SEMA6D: variants seen among roughly 807,000 people sequenced by gnomAD.
SEMA6D encodes semaphorin-6D.
A neutral mutation model predicts 106.6 loss-of-function variants in SEMA6D; 35 were observed. The observed-to-expected ratio is 0.33, with a 90% CI of 0.25 to 0.44. The LOEUF (loss-of-function observed/expected upper bound fraction) is 0.44. Ranked by LOEUF, SEMA6D falls within the 20% of genes least tolerant of loss-of-function variation. SEMA6D has a pLI of 1.00. For synonymous variants in SEMA6D, 499 were observed against 487.7 expected (o/e 1.02, Z -0.31); for missense variants, 1,185 against 1,345.9 (o/e 0.88, Z 1.87).
At chr15:47,739,443 C>A (rs183354858) in intron 1 of SEMA6D, among the ~76,000 whole-genome samples, 3 of 152,164 alleles carry the variant, frequency 2.0e-5, no homozygotes, top group East Asian at 3.9e-4. Context: ...CACCACCCCC[C>A]GCCCACACAA....
At position 47,429,416 on chromosome 15, in the gene SEMA6D, C is replaced by T. The variant is rs16959467; in HGVS notation, c.-159+16944C>T. On this transcript the variant is annotated intron_variant, in intron 2 of 19. Transcript: ENST00000558014. ...TATTACATATGGAAATGAGATGAAG[C>T]TCCAAGAGGTCATGAAGTAAGGAAT... is the stretch of plus-strand genomic sequence containing the variant. Among the ~76,000 whole-genome samples, 1,021 of 152,170 alleles carry T rather than the reference C, an allele frequency of 6.7e-3. 17 individuals are homozygous for T. The highest frequency in any genetic ancestry group is 0.023 in the African/African-American group (976 of 41,538).
chr15:47,334,688 T>C (rs1248552053), intron 1 of SEMA6D, among the ~76,000 whole-genome samples: 1 of 151,982 alleles, frequency 6.6e-6, no homozygotes, highest in East Asian at 1.9e-4. Context: ...CACAGAAACA[T>C]GTGGTTTGGA....
At chr15:47,755,656 G>A (rs1228555626) in intron 1 of SEMA6D, among the ~76,000 whole-genome samples, 1 of 151,788 alleles carries the variant, frequency 6.6e-6, no homozygotes, top group Non-Finnish European at 1.5e-5. Flanking sequence ...TCCTCTTCTA[G>A]AGTGTAGCTT....
At chr15:47,363,068 T>C (rs1316672660) in intron 1 of SEMA6D, among the ~76,000 whole-genome samples, 7 of 151,976 alleles carry the variant, frequency 4.6e-5, no homozygotes, top group African/African-American at 1.7e-4. Context: ...ATTTTAATAG[T>C]ATTCACTTAC....
intron 4 of SEMA6D, among the ~76,000 whole-genome samples, chr15:47,711,458 T>C (rs1320873236): frequency 1.3e-5 from 2 of 152,052 alleles, no homozygotes; most frequent in African/African-American, 4.8e-5. Flanking sequence ...ACAAACTAAG[T>C]TTCTCTTGAG....
chr15:47,542,886 G>A (rs1443568434), intron 3 of SEMA6D, among the ~76,000 whole-genome samples: 1 of 152,106 alleles, frequency 6.6e-6, no homozygotes, highest in Non-Finnish European at 1.5e-5. Flanking sequence ...TCCTAGCAAT[G>A]ACTGTGCATC....
chr15:47,608,938 A>T (rs1206447785), intron 4 of SEMA6D, among the ~76,000 whole-genome samples: 1 of 152,216 alleles, frequency 6.6e-6, no homozygotes, highest in Admixed American at 6.5e-5. Context: ...TTATTACGGA[A>T]CACTCTGCTT....
At chr15:47,660,195 TAA>T (rs35019889) in intron 4 of SEMA6D, among the ~76,000 whole-genome samples, 21 of 146,886 alleles carry the variant, frequency 1.4e-4, no homozygotes, top group Middle Eastern at 3.4e-3. Flanking sequence ...ATCAACATAA[TAA>T]AAAAAAAAAA....
At chr15:47,710,033 C>T (rs887360513) in intron 4 of SEMA6D, among the ~76,000 whole-genome samples, 2 of 152,128 alleles carry the variant, frequency 1.3e-5, no homozygotes. Context: ...CTACTGCCCC[C>T]TTTTACAAGC....
intron 3 of SEMA6D, among the ~76,000 whole-genome samples, chr15:47,552,552 AC>A (rs1334823933): frequency 6.8e-5 from 10 of 146,806 alleles, no homozygotes; most frequent in Non-Finnish European, 1.5e-4. Flanking sequence ...ACACACACAC[AC>A]ACACATATGG....
chr15:47,481,776 T>A (rs897643924), intron 3 of SEMA6D, among the ~76,000 whole-genome samples: 1 of 152,178 alleles, frequency 6.6e-6, no homozygotes, highest in African/African-American at 2.4e-5. Flanking sequence ...GGAGCATAAA[T>A]GCATGTCATG....
chr15:47,394,050 T>C (rs978495607), intron 1 of SEMA6D, among the ~76,000 whole-genome samples: 7 of 152,138 alleles, frequency 4.6e-5, no homozygotes, highest in Non-Finnish European at 7.3e-5. Flanking sequence ...ATACCTACTC[T>C]CTTAATCAGT....
upstream of SEMA6D, among the ~76,000 whole-genome samples, chr15:47,715,883 C>T (rs951623092): frequency 6.6e-6 from 1 of 152,208 alleles, no homozygotes. Context: ...AATGGCCACC[C>T]CCTTGCAATC....
intron 3 of SEMA6D, among the ~76,000 whole-genome samples, chr15:47,495,875 A>G (rs955760145): frequency 2.6e-5 from 4 of 152,050 alleles, no homozygotes; most frequent in Non-Finnish European, 4.4e-5. Flanking sequence ...TTCATTGAAC[A>G]TACAAGTATT....
chr15:47,541,585 A>G (rs2045357515), intron 3 of SEMA6D, among the ~76,000 whole-genome samples: 1 of 152,196 alleles, frequency 6.6e-6, no homozygotes, highest in African/African-American at 2.4e-5. Context: ...ACTGTGAATG[A>G]ATCCTCTCTG....
In SEMA6D at chr15:47,730,115, T is replaced by A. The variant is rs2080018639; in HGVS notation, c.-55+12423T>A. 4.5e-6 allele frequency: 4 copies of A among 896,268 alleles called. No homozygotes were observed. The Admixed American group carries it at 8.2e-5, about 18-fold the overall frequency. The allele number at this position is 896,268 out of a possible 1,614,324, so 55.5% of individuals were successfully genotyped here. A position where few individuals can be genotyped will look rare whatever the true frequency, so the allele number is the denominator to read the frequency against. On this transcript the variant is annotated intron_variant, in intron 1 of 18. Coordinates refer to ENST00000536845, the MANE Select transcript of SEMA6D (RefSeq NM_001358351.3). ...AATTTATATTATTTTAATTATTTTA[T>A]GTACAGAAAACTCAACAGTGTACAT...
intron 4 of SEMA6D, among the ~76,000 whole-genome samples, chr15:47,690,361 A>C (rs186972293): frequency 1.5e-4 from 23 of 152,302 alleles, no homozygotes; most frequent in South Asian, 8.3e-4. Context: ...TGGAAAAAAA[A>C]CGCAAATATT....
intron 2 of SEMA6D, among the ~76,000 whole-genome samples, chr15:47,438,309 T>C (rs1567079762): frequency 6.6e-6 from 1 of 152,122 alleles, no homozygotes; most frequent in Non-Finnish European, 1.5e-5. Context: ...TCCTAAGTCA[T>C]CGCTCTTCTT....
chr15:47,628,915 G>C (rs181178624), intron 4 of SEMA6D, among the ~76,000 whole-genome samples: 3 of 152,134 alleles, frequency 2.0e-5, no homozygotes, highest in African/African-American at 4.8e-5. Flanking sequence ...TATAGAAGCC[G>C]TGAGTTTTAG....
Sources: allele counts gnomAD v4.1 joint callset (sites outside exome capture counted in the v4.1 genomes callset), GRCh38; gene constraint gnomAD v4.1.1; transcripts MANE v1.5; gene names NCBI Gene and HGNC (gene_info 2026-07-23, HGNC 2026-07-21).